Variants in SYT7 observed in about 807,000 individuals in gnomAD.
SYT7 encodes synaptotagmin-7.
A neutral mutation model predicts 75.1 loss-of-function variants in SYT7; 29 were observed. That is an observed-to-expected ratio of 0.39 (90% CI 0.29 to 0.53). SYT7 has a LOEUF of 0.53. Ranked by LOEUF, SYT7 falls within the 20% of genes least tolerant of loss-of-function variation. SYT7 has a pLI of 0.77. For synonymous variants in SYT7, 376 were observed against 401.7 expected (o/e 0.94, Z 0.76); for missense variants, 693 against 953.2 (o/e 0.73, Z 3.59).
At chr11:61,518,807 C>G in intron 12 of SYT7, 76 bp from the exon 13 acceptor site, 2 of 1,057,930 alleles carry the variant, frequency 1.9e-6, no homozygotes, top group Non-Finnish European at 1.3e-6. Flanking sequence ...GGGTGACACC[C>G]CAACTCCACC....
At chr11:61,581,152 A>C (rs2135481206), upstream of SYT7, 1 of 155,480 alleles carries the variant, frequency 6.4e-6, no homozygotes, top group Non-Finnish European at 1.3e-5. Flanking sequence ...CGCCCGGGGC[A>C]CCGCCGGCGC....
chr11:61,550,692 C>T (rs1335799431), intron 3 of SYT7, among the ~76,000 whole-genome samples: 1 of 152,084 alleles, frequency 6.6e-6, no homozygotes, highest in Non-Finnish European at 1.5e-5. Flanking sequence ...GGCCTGAGTC[C>T]CCCGCCAGGT....
chr11:61,584,111 T>C (rs967058587), upstream of SYT7, among the ~76,000 whole-genome samples: 1 of 152,126 alleles, frequency 6.6e-6, no homozygotes, highest in African/African-American at 2.4e-5. Context: ...CTTGGGGGAC[T>C]GGGCGCGGTG....
At chr11:61,564,187 GA>G (rs2063708351) in intron 1 of SYT7, among the ~76,000 whole-genome samples, 1 of 152,146 alleles carries the variant, frequency 6.6e-6, no homozygotes, top group Admixed American at 6.5e-5. Flanking sequence ...GAAGCTGCTG[GA>G]CATGCTGGGA....
intron 8 of SYT7, among the ~76,000 whole-genome samples, chr11:61,532,182 C>T (rs1482478999): frequency 6.6e-6 from 1 of 152,150 alleles, no homozygotes; most frequent in African/African-American, 2.4e-5. Flanking sequence ...TGAAGTGTCC[C>T]AGGTCAAGTC....
chr11:61,538,216 T>A lies in SYT7; in HGVS notation c.992A>T (p.Asp331Val). The change falls in exon 7 of 13, where the codon GAT (aspartate) becomes GTT (valine). Residue 331 changes from aspartate to valine, a missense_variant. Asp to Val is a radical substitution (Grantham distance 152, BLOSUM62 -3). Coordinates refer to ENST00000539008, the MANE Select transcript of SYT7 (RefSeq NM_001365809.2). ...CAGGTCAGGGATATTGGCAAAGTCA[T>A]CCTGTTCCGAAAGCCCTAAGACCAA... ...LSLVLGLSEQ[D>V]DFANIPDLQN... 1 of 1,535,996 alleles carries A rather than the reference T, an allele frequency of 6.5e-7. No individual in the cohort carries two copies. The highest frequency in any genetic ancestry group is 8.7e-7 in the Non-Finnish European group (1 of 1,146,860).
At chr11:61,528,256 G>A in intron 8 of SYT7, 71 bp from the exon 9 acceptor site, 4 of 1,554,628 alleles carry the variant, frequency 2.6e-6, no homozygotes, top group Non-Finnish European at 3.5e-6. Flanking sequence ...CCGCTGGCTA[G>A]CACGGGTGAG....
At chr11:61,530,691 G>A in intron 8 of SYT7, 1 of 628,698 alleles carries the variant, frequency 1.6e-6, no homozygotes, top group Non-Finnish European at 2.0e-6. Flanking sequence ...CCCCACCTGA[G>A]GTCCCTCTGG....
intron 1 of SYT7, among the ~76,000 whole-genome samples, chr11:61,570,422 A>G (rs925817706): frequency 7.2e-5 from 11 of 152,208 alleles, no homozygotes; most frequent in Admixed American, 6.5e-4. Flanking sequence ...ATTACTGAAC[A>G]CTTACTAGAT....
intron 1 of SYT7, among the ~76,000 whole-genome samples, chr11:61,567,546 G>A (rs1372132947): frequency 6.6e-6 from 1 of 152,206 alleles, no homozygotes; most frequent in Non-Finnish European, 1.5e-5. Context: ...CTCAGCTGAA[G>A]CTATGGCAGC....
intron 3 of SYT7, among the ~76,000 whole-genome samples, chr11:61,548,600 G>A (rs2063258018): frequency 6.6e-6 from 1 of 152,178 alleles, no homozygotes; most frequent in Admixed American, 6.5e-5. Context: ...GTGGGCCTGG[G>A]GAAGACTGAG....
At chr11:61,563,854 C>A (rs1385547326) in intron 1 of SYT7, among the ~76,000 whole-genome samples, 2 of 152,206 alleles carry the variant, frequency 1.3e-5, no homozygotes, top group South Asian at 4.1e-4. Flanking sequence ...CAACTGGGAG[C>A]ACCTAGAGGA....
At chr11:61,533,379 T>A (rs762946034) in intron 7 of SYT7, 102 of 985,200 alleles carry the variant, frequency 1.0e-4, no homozygotes, top group Non-Finnish European at 1.1e-4. Context: ...TTGGGGGGTG[T>A]CCCCATTCTT....
chr11:61,538,346 G>GAGAGA (rs2062932844), intron 6 of SYT7, 80 bp from the exon 7 acceptor site: 27 of 203,208 alleles, frequency 1.3e-4, no homozygotes, highest in Admixed American at 2.5e-4. Context: ...GGAGAGAGAG[G>GAGAGA]GAGAGAGAGA....
intron 7 of SYT7, among the ~76,000 whole-genome samples, chr11:61,537,582 C>T (rs910041667): frequency 3.3e-5 from 5 of 152,098 alleles, no homozygotes; most frequent in African/African-American, 9.7e-5. Flanking sequence ...TCCTGGTGCC[C>T]GGGCTCAGGG....
At chr11:61,564,419 G>A (rs1284320614) in intron 1 of SYT7, among the ~76,000 whole-genome samples, 1 of 152,150 alleles carries the variant, frequency 6.6e-6, no homozygotes, top group Non-Finnish European at 1.5e-5. Flanking sequence ...TTACAGTAAC[G>A]AATGTATGCT....
intron 1 of SYT7, among the ~76,000 whole-genome samples, chr11:61,566,272 C>A (rs2063765767): frequency 6.6e-6 from 1 of 151,498 alleles, no homozygotes; most frequent in Non-Finnish European, 1.5e-5. Flanking sequence ...TCAGTGACCC[C>A]CTCACCTCAC....
At chr11:61,569,932 G>C (rs1465544182) in intron 1 of SYT7, among the ~76,000 whole-genome samples, 1 of 152,206 alleles carries the variant, frequency 6.6e-6, no homozygotes, top group African/African-American at 2.4e-5. Flanking sequence ...CATGATGGCA[G>C]GCCACCAGCC....
Position 61,546,453 on chromosome 11 carries a change from T to G in SYT7, c.348-198A>C. On this transcript the variant is annotated intron_variant, in intron 4 of 12. Transcript: ENST00000539008. This position sits in a 1 kb window ranked among gnomAD's most constrained non-coding sequence, Gnocchi z 7.6. ...ACAGACAGAGAGAGAGAGAGAGACA[T>G]CAGCACTGCAAATGGGTTAACAGCG... 25 of 428,508 alleles carry G rather than the reference T, an allele frequency of 5.8e-5. No homozygotes were observed. The highest frequency in any genetic ancestry group is 5.1e-5 in the Non-Finnish European group (12 of 234,286). 26.5% of individuals were successfully genotyped at this position (428,508 alleles called of 1,614,324 possible). A position where few individuals can be genotyped will look rare whatever the true frequency, so the allele number is the denominator to read the frequency against.
Sources: gnomAD v4.1 joint callset for allele counts (sites outside exome capture counted in the v4.1 genomes callset) on GRCh38, gnomAD v4.1.1 for gene constraint, Gnocchi (gnomAD v3.1) non-coding constraint, MANE v1.5 for transcripts, NCBI Gene and HGNC (gene_info 2026-07-23, HGNC 2026-07-21) for gene names.